The following CNTNAP2 variants were observed in gnomAD, a reference collection of about 807,000 sequenced individuals.
CNTNAP2 encodes contactin-associated protein-like 2.
CNTNAP2 carries 98 observed loss-of-function variants against 155.2 expected under a neutral mutation model. That is an observed-to-expected ratio of 0.63 (90% CI 0.54 to 0.75). The LOEUF (loss-of-function observed/expected upper bound fraction) is 0.75, where lower values mean the gene tolerates loss of function less well. CNTNAP2 is among the 30% of genes least tolerant of loss of function. The probability of loss-of-function intolerance (pLI) is 0.00; values close to 1 mark genes in which losing one functional copy is unlikely to be tolerated. For missense variants in CNTNAP2, 1,727 were observed against 1,688.1 expected, an observed-to-expected ratio of 1.02 and a Z score of -0.40; for synonymous variants, 651 against 631.2, an observed-to-expected ratio of 1.03 and a Z score of -0.47.
At chr7:147,891,906 A>G (rs1428515633) in intron 13 of CNTNAP2, among the ~76,000 whole-genome samples, 1 of 152,208 alleles carries the variant, frequency 6.6e-6, no homozygotes, top group Non-Finnish European at 1.5e-5. Context: ...ATACAGTGGC[A>G]AAAATCCTAA....
rs1008513906 is a variant in CNTNAP2, at chr7:146,167,223, A to G, written c.97+50250A>G. Among the ~76,000 whole-genome samples, 3 of 152,368 alleles carry G rather than the reference A, an allele frequency of 2.0e-5. No individual in the cohort carries two copies. The South Asian group carries it at 6.2e-4, about 32-fold the overall frequency. On this transcript the variant is annotated intron_variant, in intron 1 of 23. Transcript: ENST00000361727. ...ACAGGTGAATTCCCATAGCTCTAGT[A>G]TGAATTACTTATACATTAAACATTT...
intron 21 of CNTNAP2, among the ~76,000 whole-genome samples, chr7:148,312,125 G>A (rs986602755): frequency 2.0e-4 from 30 of 152,186 alleles, no homozygotes; most frequent in African/African-American, 7.0e-4. Flanking sequence ...TAAAGCAGTG[G>A]CAGCAGCTGC....
chr7:146,989,327 G>T (rs1798168618), intron 3 of CNTNAP2, among the ~76,000 whole-genome samples: 1 of 152,148 alleles, frequency 6.6e-6, no homozygotes, highest in Non-Finnish European at 1.5e-5. Flanking sequence ...GTACTGGCCT[G>T]TGTTGGGGTG....
intron 2 of CNTNAP2, among the ~76,000 whole-genome samples, chr7:146,802,615 C>T (rs1438780299): frequency 6.6e-6 from 1 of 152,112 alleles, no homozygotes; most frequent in Non-Finnish European, 1.5e-5. Context: ...CTGTCTCCTG[C>T]TCCACCATGG....
In CNTNAP2 at chr7:148,096,291, G is replaced by GTGTT. The variant is rs775105937; in HGVS notation, c.2384-21824_2384-21823insTTGT. ...CGTGCATGCATGCATGTGTGTGTGT[G>GTGTT]TGTGTGTGTGTGTGTGTGTGTGTGG... On this transcript the variant is annotated intron_variant, in intron 15 of 23. Transcript: ENST00000361727. Among the ~76,000 whole-genome samples the GTGTT allele has an allele frequency of 3.4e-4, 51 of 151,748 alleles. 1 individual carries two copies. Among genetic ancestry groups the GTGTT allele is most frequent in the Non-Finnish European group, 2.2e-4 (15 of 67,924 alleles).
chr7:148,272,536 G>T (rs10464427), intron 21 of CNTNAP2, among the ~76,000 whole-genome samples: 54,313 of 152,016 alleles, frequency 0.36, 11,444 homozygotes, highest in East Asian at 0.6. Context: ...GGTTTAATAT[G>T]ATGGATTATA....
chr7:146,946,119 CTTCT>C (rs1797168400), intron 3 of CNTNAP2, among the ~76,000 whole-genome samples: 2 of 149,306 alleles, frequency 1.3e-5, no homozygotes, highest in South Asian at 2.1e-4. Context: ...TCCTTCCTTC[CTTCT>C]TTCCTTCCTT....
intron 1 of CNTNAP2, among the ~76,000 whole-genome samples, chr7:146,297,885 T>C (rs7798008): frequency 0.14 from 21,484 of 152,142 alleles, 3,921 homozygotes; most frequent in African/African-American, 0.42. Context: ...GTGTGTACCC[T>C]TGCATACACA....
At chr7:147,294,036 A>G (rs1805368056) in intron 8 of CNTNAP2, among the ~76,000 whole-genome samples, 1 of 152,178 alleles carries the variant, frequency 6.6e-6, no homozygotes, top group Admixed American at 6.5e-5. Context: ...ACGAATTATA[A>G]CAATGGTACA....
chr7:148,250,631 T>G (rs929707798), intron 20 of CNTNAP2, among the ~76,000 whole-genome samples: 5 of 152,168 alleles, frequency 3.3e-5, no homozygotes, highest in Non-Finnish European at 7.4e-5. Flanking sequence ...ATTGACATCT[T>G]CAGCTCCCTG....
chr7:147,433,530 A>G (rs764706061), intron 10 of CNTNAP2, among the ~76,000 whole-genome samples: 19 of 152,220 alleles, frequency 1.2e-4, no homozygotes, highest in Admixed American at 2.0e-4. Context: ...AAATCAATAA[A>G]AAAGAGACCT....
chr7:147,093,109 C>T (rs1010364007), intron 4 of CNTNAP2, among the ~76,000 whole-genome samples: 1 of 150,578 alleles, frequency 6.6e-6, no homozygotes, highest in Admixed American at 6.6e-5. Context: ...GGCGTGGTGG[C>T]GGATGCCTGT....
intron 1 of CNTNAP2, among the ~76,000 whole-genome samples, chr7:146,303,379 A>G (rs1444634615): frequency 1.5e-5 from 2 of 130,662 alleles, no homozygotes; most frequent in African/African-American, 3.7e-5. Flanking sequence ...TTTAAAGTAA[A>G]TACAAAACAG....
At chr7:147,798,613 G>A (rs999209378) in intron 13 of CNTNAP2, among the ~76,000 whole-genome samples, 9 of 152,166 alleles carry the variant, frequency 5.9e-5, no homozygotes, top group African/African-American at 2.2e-4. Flanking sequence ...TTACTTAGGA[G>A]TAAGAAAACC....
chr7:147,709,912 C>G (rs1334624050), intron 13 of CNTNAP2, among the ~76,000 whole-genome samples: 3 of 151,920 alleles, frequency 2.0e-5, no homozygotes, highest in Non-Finnish European at 4.4e-5. Context: ...CCTTTATGTC[C>G]AACTAGTTAC....
intron 5 of CNTNAP2, among the ~76,000 whole-genome samples, chr7:147,114,292 T>C (rs1466078267): frequency 6.6e-6 from 1 of 152,170 alleles, no homozygotes; most frequent in Admixed American, 6.5e-5. Context: ...TTCTGTTGTC[T>C]TGGGATGGAG....
intron 15 of CNTNAP2, among the ~76,000 whole-genome samples, chr7:148,048,851 G>A (rs1802827254): frequency 6.6e-6 from 1 of 152,150 alleles, no homozygotes; most frequent in Non-Finnish European, 1.5e-5. Flanking sequence ...CAGGACCTGA[G>A]AAATAAAATC....
chr7:146,383,935 T>C (rs957185380), intron 1 of CNTNAP2, among the ~76,000 whole-genome samples: 3 of 152,172 alleles, frequency 2.0e-5, no homozygotes, highest in Non-Finnish European at 4.4e-5. Context: ...TGAATTAGGT[T>C]AATTTTTTCA....
intron 15 of CNTNAP2, among the ~76,000 whole-genome samples, chr7:148,043,003 T>C (rs1802707093): frequency 6.6e-6 from 1 of 152,228 alleles, no homozygotes; most frequent in Non-Finnish European, 1.5e-5. Flanking sequence ...TATGTGCAAA[T>C]TTAAATGCTC....
Sources: allele counts gnomAD v4.1 joint callset (sites outside exome capture counted in the v4.1 genomes callset), GRCh38; gene constraint gnomAD v4.1.1; transcripts MANE v1.5; gene names NCBI Gene and HGNC (gene_info 2026-07-23, HGNC 2026-07-21).